The following ZBTB47 variants were observed in gnomAD, a reference collection of about 807,000 sequenced individuals.
ZBTB47 encodes zinc finger and BTB domain containing 47.
In ZBTB47, 24 loss-of-function variants were observed where a neutral mutation model predicts 56.6. That is an observed-to-expected ratio of 0.42 (90% CI 0.31 to 0.60). ZBTB47 has a LOEUF of 0.60. Ranked by LOEUF, ZBTB47 falls within the 20% of genes least tolerant of loss-of-function variation. The pLI, the probability that ZBTB47 is intolerant of heterozygous loss-of-function variation, is 0.14. For missense variants in ZBTB47, 829 were observed against 1,032.6 expected (o/e 0.80, Z 2.70); for synonymous variants, 414 against 418.9 (o/e 0.99, Z 0.14).
Position 42,663,771 on chromosome 3 carries a change from G to C in ZBTB47, c.1738-26G>C, listed in dbSNP as rs970293894. ...GGCTGCTCTTCTGCTCTGTGCCTGG[G>C]CCTCACCCCCAAACCCCACCCCCAG... On this transcript the variant is annotated intron_variant, in intron 4 of 5. Transcript: ENST00000232974. This position sits in a 1 kb window ranked among gnomAD's most constrained non-coding sequence, Gnocchi z 5.1. 2 of 1,611,996 alleles carry C rather than the reference G, an allele frequency of 1.2e-6. No individual in the cohort carries two copies. Among genetic ancestry groups the C allele is most frequent in the South Asian group, 2.2e-5 (2 of 90,958 alleles).
In ZBTB47 at chr3:42,659,577, C is replaced by A. The variant is rs202239621; in HGVS notation, c.1222C>A (p.Pro408Thr). Residue 408 changes from proline (P) to threonine (T), a missense_variant, in exon 2 of 6, where the codon CCT becomes ACT. Around this residue, in one of 6 missense-constraint regions of ZBTB47, gnomAD observed 359 missense variants for 359.8 expected, o/e 1.00. Coordinates refer to ENST00000232974, the MANE Select transcript of ZBTB47 (RefSeq NM_145166.4). ...RRGGKRPKPP[P>T]GVASASARGP... ...GGGTGGGAAGAGGCCAAAGCCACCC[C>A]CTGGAGTGGCCTCTGCATCGGCCCG... 3.4e-5 allele frequency: 54 copies of A among 1,601,172 alleles called. No individual in the cohort carries two copies. In the African/African-American group the frequency reaches 4.7e-4, roughly 14 times the overall value.
chr3:42,652,954 GC>G (rs958214303), upstream of ZBTB47, among the ~76,000 whole-genome samples: 8 of 152,352 alleles, frequency 5.3e-5, no homozygotes, highest in African/African-American at 1.9e-4. Context: ...CAGCGGGCTA[GC>G]TGGTCAGAAG....
At chr3:42,662,636 G>A (rs1710734536) in intron 3 of ZBTB47, among the ~76,000 whole-genome samples, 1 of 152,224 alleles carries the variant, frequency 6.6e-6, no homozygotes, top group Non-Finnish European at 1.5e-5. Flanking sequence ...AGGAGAGGAA[G>A]CGGAGGTCCA....
At chr3:42,659,964 G>A in intron 2 of ZBTB47, 136 bp downstream of exon 2, 1 of 1,293,568 alleles carries the variant, frequency 7.7e-7, no homozygotes. Flanking sequence ...CCCCCAGACA[G>A]GCTGGCCCAG....
In ZBTB47 at chr3:42,659,192, G is replaced by T. The variant is rs1052629726; in HGVS notation, c.837G>T (p.Glu279Asp). 4 of 1,525,072 alleles carry T rather than the reference G, an allele frequency of 2.6e-6. No individual in the cohort carries two copies. The highest frequency in any genetic ancestry group is 3.5e-6 in the Non-Finnish European group (4 of 1,140,590). The allele number at this position is 1,525,072 out of a possible 1,614,324, so 94.5% of individuals were successfully genotyped here. Residue 279 changes from glutamate to aspartate, a missense_variant, in exon 2 of 6, where the codon GAG (glutamate) becomes GAT (aspartate). By Grantham distance (45) the Glu-to-Asp change is conservative. Around this residue, in one of 6 missense-constraint regions of ZBTB47, gnomAD observed 359 missense variants for 359.8 expected, o/e 1.00. Coordinates refer to ENST00000232974, the MANE Select transcript of ZBTB47 (RefSeq NM_145166.4). ...GGCTGCAGAGACACTCGGACGAGGA[G>T]GAGGAGGACGACGAGGAGGAGGAGG... ...EDGLQRHSDE[E>D]EEDDEEEEEE... is the part of the protein sequence containing the mutation.
In ZBTB47 at chr3:42,658,497, C is replaced by G; in HGVS notation, c.142C>G (p.Gln48Glu). The stretch of plus-strand genomic sequence containing the variant: ...CCAGTTCTTCCACTCACTCTTCACC[C>G]AGAACAAGCAGCTGCAGCGTGTGGA... ...YSQFFHSLFT[Q>E]NKQLQRVELS... The change falls in exon 2 of 6, where the codon CAG (glutamine) becomes GAG (glutamate). Residue 48 changes from glutamine (Q) to glutamate (E), a missense_variant. Coordinates refer to ENST00000232974, the MANE Select transcript of ZBTB47 (RefSeq NM_145166.4). 6.5e-7 allele frequency: 1 copy of G among 1,537,200 alleles called. No homozygotes were observed. Among genetic ancestry groups the G allele is most frequent in the Non-Finnish European group, 8.7e-7 (1 of 1,146,922 alleles).
chr3:42,657,509 T>C (rs1577625074), intron 1 of ZBTB47, among the ~76,000 whole-genome samples: 1 of 151,818 alleles, frequency 6.6e-6, no homozygotes, highest in Non-Finnish European at 1.5e-5. Flanking sequence ...CAGGCAGGGG[T>C]TGGGGGCAGC....
Position 42,659,138 on chromosome 3 carries a change from A to G in ZBTB47, c.783A>G (p.Pro261=), listed in dbSNP as rs339723. Residue 261 remains proline, a synonymous_variant, in exon 2 of 6, where the codon CCA becomes CCG. Coordinates refer to ENST00000232974, the MANE Select transcript of ZBTB47 (RefSeq NM_145166.4). ...GGAAGCCAGGTGCCGGGCCAAGCCC[A>G]GCCACCGTGGTTCTGGGCCGGGAGG... ...PEGKPGAGPS[P]ATVVLGREDG... 561,070 of 1,501,686 alleles carry G rather than the reference A, an allele frequency of 0.37. 112,951 individuals are homozygous for G. Among genetic ancestry groups the G allele is most frequent in the African/African-American group, 0.75 (53,930 of 72,028 alleles). The allele number at this position is 1,501,686 out of a possible 1,614,324, so 93.0% of individuals were successfully genotyped here.
In ZBTB47 at chr3:42,665,065, T is replaced by C. The variant is rs1414776895; in HGVS notation, c.*467T>C. 6.5e-6 allele frequency: 1 copy of C among 153,432 alleles called. No homozygotes were observed. Among genetic ancestry groups the C allele is most frequent in the East Asian group, 1.9e-4 (1 of 5,200 alleles). 9.5% of individuals were successfully genotyped at this position (153,432 alleles called of 1,614,324 possible). The stretch of plus-strand genomic sequence containing the variant: ...TCTATGCCCCTAATTTGCTTCCTCA[T>C]CTTGGAGGGTTTGGGGAGAAGTTGG... On this transcript the variant is annotated 3_prime_UTR_variant, in exon 6 of 6. Transcript: ENST00000232974.
In ZBTB47 at chr3:42,658,939, G is replaced by T. The variant is rs1447732412; in HGVS notation, c.584G>T (p.Gly195Val). 1 of 1,500,714 alleles carries T rather than the reference G, an allele frequency of 6.7e-7. No homozygotes were observed. Among genetic ancestry groups the T allele is most frequent in the Non-Finnish European group, 8.9e-7 (1 of 1,129,422 alleles). The allele number at this position is 1,500,714 out of a possible 1,614,324, so 93.0% of individuals were successfully genotyped here. A position where few individuals can be genotyped will look rare whatever the true frequency, so the allele number is the denominator to read the frequency against. ...AQPFFKEEKE[G>V]GVEEAGGPPA... ...CCCTTCTTTAAGGAGGAGAAGGAGG[G>T]TGGTGTCGAGGAGGCCGGTGGGCCC... The change falls in exon 2 of 6, where the codon GGT (glycine) becomes GTT (valine). Residue 195 changes from glycine (G) to valine (V), a missense_variant. Transcript: ENST00000232974.
Position 42,659,561 on chromosome 3 carries a change from G to C in ZBTB47, c.1206G>C (p.Lys402Asn). The C allele has an allele frequency of 6.3e-7, 1 of 1,586,716 alleles. No individual in the cohort carries two copies. Among genetic ancestry groups the C allele is most frequent in the Non-Finnish European group, 8.6e-7 (1 of 1,166,740 alleles). The part of the protein sequence containing the change: ...EPEEAGRRGG[K>N]RPKPPPGVAS... ...AAGAAGCTGGGCGGCGGGGTGGGAA[G>C]AGGCCAAAGCCACCCCCTGGAGTGG... is the stretch of plus-strand genomic sequence containing the variant. The change falls in exon 2 of 6, where the codon AAG becomes AAC. Residue 402 changes from lysine to asparagine, a missense_variant. By Grantham distance (94) the Lys-to-Asn change is moderately conservative. Coordinates refer to ENST00000232974, the MANE Select transcript of ZBTB47 (RefSeq NM_145166.4).
In ZBTB47 at chr3:42,661,538, C is replaced by T. The variant is rs763030802; in HGVS notation, c.1527C>T (p.Asn509=). 2.7e-5 allele frequency: 43 copies of T among 1,613,936 alleles called. No homozygotes were observed. In the South Asian group the frequency reaches 4.4e-4, roughly 16 times the overall value. Residue 509 remains asparagine, a synonymous_variant, in exon 3 of 6, where the codon AAC becomes AAT. Coordinates refer to ENST00000232974, the MANE Select transcript of ZBTB47 (RefSeq NM_145166.4). ...AGCTTTGGTCCCTCCATGAGCATAA[C>T]AAGATTGTGCACGGCTACGCAGAGA... The part of the protein sequence containing the change: ...FKKLWSLHEH[N]KIVHGYAEKK...
In ZBTB47 at chr3:42,658,370, C is replaced by A; in HGVS notation, c.15C>A (p.Asn5Lys). 3 of 1,533,690 alleles carry A rather than the reference C, an allele frequency of 2.0e-6. No homozygotes were observed. Among genetic ancestry groups the A allele is most frequent in the Non-Finnish European group, 2.6e-6 (3 of 1,144,692 alleles). The change falls in exon 2 of 6, where the codon AAC becomes AAA. Residue 5 changes from asparagine to lysine, a missense_variant. Asn to Lys is a moderately conservative substitution (Grantham distance 94). Coordinates refer to ENST00000232974, the MANE Select transcript of ZBTB47 (RefSeq NM_145166.4). Reference sequence around the variant, plus strand: ...TTGCCTGCTTGATGGGCCGCCTGAACGAGCAGCGCCTCTTCCAGCCTGACC... The same window carrying A: ...TTGCCTGCTTGATGGGCCGCCTGAAAGAGCAGCGCCTCTTCCAGCCTGACC... Reference protein sequence around the residue: MGRLNEQRLFQPDLC... With the variant: MGRLKEQRLFQPDLC...
In ZBTB47 at chr3:42,664,507, A is replaced by G; in HGVS notation, c.2153A>G (p.Gln718Arg). The change falls in exon 6 of 6, where the codon CAG (glutamine) becomes CGG (arginine). Residue 718 changes from glutamine (Q) to arginine (R), a missense_variant. By Grantham distance (43) the Gln-to-Arg change is conservative. Transcript: ENST00000232974. Reference protein sequence around the residue: ...HALPLLPGLPQTLPPPPHLPP... With the variant: ...HALPLLPGLPRTLPPPPHLPP... ...CTGCCCCTGCTCCCGGGGCTGCCCCAGACCCTGCCGCCCCCGCCCCACCTG... is the reference window on the plus strand; with the variant it reads ...CTGCCCCTGCTCCCGGGGCTGCCCCGGACCCTGCCGCCCCCGCCCCACCTG... 9.0e-7 allele frequency: 1 copy of G among 1,106,944 alleles called. No individual in the cohort carries two copies. Among genetic ancestry groups the G allele is most frequent in the South Asian group, 1.5e-5 (1 of 66,046 alleles). The allele number at this position is 1,106,944 out of a possible 1,614,324, so 68.6% of individuals were successfully genotyped here. A position where few individuals can be genotyped will look rare whatever the true frequency, so the allele number is the denominator to read the frequency against.
Position 42,659,253 on chromosome 3 carries a change from CGGG to C in ZBTB47, c.899_901del (p.Arg300_Glu301delinsGln). ...GGAAGAGGAAGGTGGTGGCAGTGGA[CGGG>C]AGGAGGAGGAGGAGGAAGAGGGTGG... On this transcript the variant is annotated inframe_deletion, in exon 2 of 6. Transcript: ENST00000232974. The C allele has an allele frequency of 8.6e-6, 13 of 1,520,456 alleles. No homozygotes were observed. Among genetic ancestry groups the C allele is most frequent in the Non-Finnish European group, 1.1e-5 (12 of 1,136,662 alleles). The allele number at this position is 1,520,456 out of a possible 1,614,324, so 94.2% of individuals were successfully genotyped here.
In ZBTB47 at chr3:42,658,735, C is replaced by T. The variant is rs534456577; in HGVS notation, c.380C>T (p.Pro127Leu). 9.8e-6 allele frequency: 15 copies of T among 1,532,458 alleles called. No individual in the cohort carries two copies. The highest frequency in any genetic ancestry group is 7.9e-5 in the Admixed American group (4 of 50,730). The allele number at this position is 1,532,458 out of a possible 1,614,324, so 94.9% of individuals were successfully genotyped here. ...PGPGTVALAQ[P>L]AASCTPAAPP... is the part of the protein sequence containing the mutation. Reference sequence around the variant, plus strand: ...CCGGGCACTGTGGCCCTGGCCCAGCCGGCTGCCAGCTGCACTCCAGCTGCG... The same window carrying T: ...CCGGGCACTGTGGCCCTGGCCCAGCTGGCTGCCAGCTGCACTCCAGCTGCG... Residue 127 changes from proline to leucine, a missense_variant, in exon 2 of 6, where the codon CCG becomes CTG. Transcript: ENST00000232974.
rs1710763070 is a variant in ZBTB47 at position 42,664,663 on chromosome 3, C to A, written c.*65C>A. ...CAGGGCCCACTCCAGGAGGGACCCA[C>A]TGCCTTCCCGGGGAGCACAGTAGTG... On this transcript the variant is annotated 3_prime_UTR_variant, in exon 6 of 6. Coordinates refer to ENST00000232974, the MANE Select transcript of ZBTB47 (RefSeq NM_145166.4). 6 of 1,362,124 alleles carry A rather than the reference C, an allele frequency of 4.4e-6. No homozygotes were observed. The highest frequency in any genetic ancestry group is 5.6e-6 in the Non-Finnish European group (6 of 1,064,282). 84.4% of individuals were successfully genotyped at this position (1,362,124 alleles called of 1,614,324 possible). A position where few individuals can be genotyped will look rare whatever the true frequency, so the allele number is the denominator to read the frequency against.
intron 1 of ZBTB47, among the ~76,000 whole-genome samples, chr3:42,655,571 T>A (rs1036649399): frequency 2.0e-5 from 3 of 152,200 alleles, no homozygotes; most frequent in African/African-American, 7.2e-5. Context: ...TGGTCCTGCA[T>A]CTTAGCTAGG....
rs1710672654 is a variant in ZBTB47, at chr3:42,658,929, GAGA to G, written c.577_579del (p.Lys193del). 6.7e-7 allele frequency: 1 copy of G among 1,498,742 alleles called. No individual in the cohort carries two copies. The highest frequency in any genetic ancestry group is 8.9e-7 in the Non-Finnish European group (1 of 1,128,600). The allele number at this position is 1,498,742 out of a possible 1,614,324, so 92.8% of individuals were successfully genotyped here. ...GCCAGCCCAGCCCTTCTTTAAGGAG[GAGA>G]AGGAGGGTGGTGTCGAGGAGGCCGG... On this transcript the variant is annotated inframe_deletion, in exon 2 of 6. Transcript: ENST00000232974.
Sources: gnomAD v4.1 joint callset for allele counts (sites outside exome capture counted in the v4.1 genomes callset) on GRCh38, gnomAD v4.1.1 for gene constraint, gnomAD v4.1.1 regional missense constraint, Gnocchi (gnomAD v3.1) non-coding constraint, MANE v1.5 for transcripts, NCBI Gene and HGNC (gene_info 2026-07-23, HGNC 2026-07-21) for gene names.